IRAK3: variants seen among roughly 807,000 people sequenced by gnomAD.
IRAK3 encodes interleukin 1 receptor associated kinase 3.
Under a neutral mutation model 56.6 loss-of-function variants are expected in IRAK3, and 57 were observed. That is an observed-to-expected ratio of 1.01 (90% CI 0.81 to 1.26). The LOEUF is 1.26. IRAK3 is among the 50% of genes most tolerant of loss of function. The pLI is 0.00. For missense variants in IRAK3, 703 were observed against 719.0 expected (o/e 0.98, Z 0.25); for synonymous variants, 258 against 255.7 (o/e 1.01, Z -0.09).
At chr12:66,217,816 A>T (rs565211805) in intron 6 of IRAK3, among the ~76,000 whole-genome samples, 2 of 151,544 alleles carry the variant, frequency 1.3e-5, no homozygotes, top group South Asian at 4.2e-4. Context: ...ACTTTTTCAG[A>T]TTTTTTTTTA....
intron 8 of IRAK3, among the ~76,000 whole-genome samples, chr12:66,241,694 A>T (rs894747357): frequency 6.6e-6 from 1 of 152,238 alleles, no homozygotes; most frequent in Non-Finnish European, 1.5e-5. Flanking sequence ...CTGAAAAACG[A>T]CTTATCTTTT....
intron 6 of IRAK3, among the ~76,000 whole-genome samples, chr12:66,220,647 A>AGTAGCTGG (rs1483022823): frequency 6.9e-6 from 1 of 145,862 alleles, no homozygotes; most frequent in Non-Finnish European, 1.5e-5. Flanking sequence ...CAGCCTCCCA[A>AGTAGCTGG]GTAGCTGGGA....
At chr12:66,193,883 T>C (rs1195391884) in intron 1 of IRAK3, among the ~76,000 whole-genome samples, 1 of 152,222 alleles carries the variant, frequency 6.6e-6, no homozygotes, top group African/African-American at 2.4e-5. Flanking sequence ...GTTTCTTACT[T>C]TTTGGAAGGA....
chr12:66,247,295 A>G (rs1565813598), intron 11 of IRAK3, among the ~76,000 whole-genome samples: 1 of 152,032 alleles, frequency 6.6e-6, no homozygotes, highest in Non-Finnish European at 1.5e-5. Flanking sequence ...AAACAAACAA[A>G]CAAAACAAGA....
chr12:66,245,680 G>T (rs1031121350), intron 11 of IRAK3, among the ~76,000 whole-genome samples: 1 of 151,180 alleles, frequency 6.6e-6, no homozygotes, highest in East Asian at 1.9e-4. Context: ...TATTAGGCAC[G>T]AGCCACCACG....
rs1329461427 is a variant in IRAK3, at chr12:66,226,794, C to T, written c.725C>T (p.Pro242Leu). 2.5e-6 allele frequency: 4 copies of T among 1,608,518 alleles called. No homozygotes were observed. Among genetic ancestry groups the T allele is most frequent in the South Asian group, 1.1e-5 (1 of 90,968 alleles). Residue 242 changes from proline to leucine, a missense_variant, in exon 7 of 12, where the codon CCA becomes CTA. Pro to Leu is a moderately conservative substitution (Grantham distance 98, BLOSUM62 -3). Transcript: ENST00000261233. ...ACTGAGAAGTTCTGTCTGATTTATC[C>T]ATACATGAGAAATGGAACACTTTTT... ...TETEKFCLIY[P>L]YMRNGTLFDR...
chr12:66,226,431 G>A (rs1384453638), intron 6 of IRAK3, among the ~76,000 whole-genome samples: 1 of 151,932 alleles, frequency 6.6e-6, no homozygotes, highest in Admixed American at 6.6e-5. Flanking sequence ...TAGTAGAAAC[G>A]GGGTTTCACC....
At chr12:66,203,312 T>A (rs1455517215) in intron 1 of IRAK3, among the ~76,000 whole-genome samples, 1 of 152,200 alleles carries the variant, frequency 6.6e-6, no homozygotes, top group Non-Finnish European at 1.5e-5. Flanking sequence ...CTTGATATTA[T>A]GCACTGAGAA....
In IRAK3 at chr12:66,238,042, T is replaced by C. The variant is rs1482059290; in HGVS notation, c.888-6444T>C. ...TCGTTGGAGCTGTACAGCAGGAATT[T>C]TGGAGAAAGGAGGAGCACTGGAATT... On this transcript the variant is annotated intron_variant, in intron 8 of 11. Transcript: ENST00000261233. Among the ~76,000 whole-genome samples, 4 of 152,282 alleles carry C rather than the reference T, an allele frequency of 2.6e-5. No homozygotes were observed. The South Asian group carries it at 8.3e-4, about 32-fold the overall frequency.
intron 8 of IRAK3, chr12:66,234,728 T>A: frequency 1.3e-6 from 2 of 1,599,964 alleles, no homozygotes; most frequent in South Asian, 2.2e-5. Context: ...TTCTGTTGAT[T>A]CCGTCCTAGC....
At chr12:66,226,047 A>G (rs1214833826) in intron 6 of IRAK3, among the ~76,000 whole-genome samples, 1 of 152,332 alleles carries the variant, frequency 6.6e-6, no homozygotes, top group Non-Finnish European at 1.5e-5. Context: ...TTTACTTAAT[A>G]AGTCATGTTG....
At chr12:66,222,888 A>G (rs567101932) in intron 6 of IRAK3, among the ~76,000 whole-genome samples, 2 of 152,176 alleles carry the variant, frequency 1.3e-5, no homozygotes, top group Non-Finnish European at 2.9e-5. Flanking sequence ...TTGTGTGAGC[A>G]ATAAAGCTTT....
At chr12:66,210,905 G>A (rs571611004) in intron 4 of IRAK3, among the ~76,000 whole-genome samples, 1 of 152,116 alleles carries the variant, frequency 6.6e-6, no homozygotes, top group Non-Finnish European at 1.5e-5. Flanking sequence ...TTTTCAATTT[G>A]TATTTGATTC....
At position 66,226,772 on chromosome 12, in the gene IRAK3, G is replaced by A. The variant is rs184217408; in HGVS notation, c.703G>A (p.Glu235Lys). Residue 235 changes from glutamate to lysine, a missense_variant, in exon 7 of 12, where the codon GAG (glutamate) becomes AAG (lysine). By Grantham distance (56) the Glu-to-Lys change is moderately conservative (BLOSUM62 1). Transcript: ENST00000261233. ...GTTGGCTGCATATTTTACAGAGACT[G>A]AGAAGTTCTGTCTGATTTATCCATA... The part of the protein sequence containing the change: ...LELAAYFTET[E>K]KFCLIYPYMR... 3.1e-6 allele frequency: 5 copies of A among 1,611,762 alleles called. No homozygotes were observed. Among genetic ancestry groups the A allele is most frequent in the Non-Finnish European group, 8.5e-7 (1 of 1,177,848 alleles).
At chr12:66,237,319 C>T (rs1592600052) in intron 8 of IRAK3, among the ~76,000 whole-genome samples, 1 of 152,280 alleles carries the variant, frequency 6.6e-6, no homozygotes, top group East Asian at 1.9e-4. Flanking sequence ...ATGGTGGGCC[C>T]AGCATGTTGT....
At position 66,203,860 on chromosome 12, in the gene IRAK3, C is replaced by T. The variant is rs372148641; in HGVS notation, c.283C>T (p.His95Tyr). Residue 95 changes from histidine to tyrosine, a missense_variant, in exon 2 of 12, where the codon CAT becomes TAT. Coordinates refer to ENST00000261233, the MANE Select transcript of IRAK3 (RefSeq NM_007199.3). ...DLLQVLQEMG[H>Y]RRAIHLITNY... ...TTTACAGGTCCTCCAGGAGATGGGA[C>T]ATCGTCGAGCTATTCATTTAATTAC... is the stretch of plus-strand genomic sequence containing the variant. The T allele has an allele frequency of 1.9e-5, 31 of 1,613,798 alleles. No individual in the cohort carries two copies. Among genetic ancestry groups the T allele is most frequent in the African/African-American group, 4.0e-5 (3 of 74,932 alleles).
At chr12:66,244,465 T>C in intron 8 of IRAK3, 21 bp from the exon 9 acceptor site, 2 of 1,595,568 alleles carry the variant, frequency 1.3e-6, no homozygotes, top group Non-Finnish European at 1.7e-6. Context: ...TTGTCTTGTT[T>C]GTCCCTGATC....
chr12:66,189,571 C>G, intron 1 of IRAK3, 139 bp downstream of exon 1: 1 of 441,428 alleles, frequency 2.3e-6, no homozygotes, highest in Non-Finnish European at 3.2e-6. Flanking sequence ...AGCCGGCCCC[C>G]TCCTTTCCTG....
intron 1 of IRAK3, chr12:66,197,445 C>T: frequency 1.0e-6 from 1 of 983,480 alleles, no homozygotes; most frequent in Non-Finnish European, 1.2e-6. Flanking sequence ...AGAATTGGAT[C>T]TAAATGAAGT....
Sources: allele counts gnomAD v4.1 joint callset (sites outside exome capture counted in the v4.1 genomes callset), GRCh38; gene constraint gnomAD v4.1.1; transcripts MANE v1.5; gene names NCBI Gene and HGNC (gene_info 2026-07-23, HGNC 2026-07-21).